The following SHISA9 variants were observed in gnomAD, a reference collection of about 807,000 sequenced individuals.
The protein encoded by SHISA9 is shisa family member 9, also known as protein shisa-9.
SHISA9 carries 13 observed loss-of-function variants against 38.0 expected under a neutral mutation model. The ratio of observed to expected loss-of-function variants is 0.34; its 90% CI spans 0.22 to 0.54. SHISA9 has a LOEUF of 0.54. SHISA9 is among the 20% of genes least tolerant of loss of function. The pLI is 0.91. For missense variants in SHISA9, 538 were observed against 575.8 expected (o/e 0.93, Z 0.67); for synonymous variants, 275 against 242.0 (o/e 1.14, Z -1.27).
At chr16:13,425,691 T>C in the SHISA9 span, among the ~76,000 whole-genome samples, 6 of 152,170 alleles carry the variant, frequency 3.9e-5, no homozygotes, top group Non-Finnish European at 7.3e-5. Context: ...ATAAATACCT[T>C]TTTAAAGAGA....
downstream of SHISA9, among the ~76,000 whole-genome samples, chr16:13,240,575 T>C (rs1323257762): frequency 1.3e-5 from 2 of 152,200 alleles, no homozygotes; most frequent in Non-Finnish European, 2.9e-5. Context: ...CAGCAACATA[T>C]ACACATTTTC....
the SHISA9 span, among the ~76,000 whole-genome samples, chr16:13,324,475 C>A: frequency 6.6e-6 from 1 of 152,036 alleles, no homozygotes; most frequent in Admixed American, 6.6e-5. Context: ...TAGATTAAGG[C>A]AGAGTGGTTC....
At chr16:13,021,393 G>C (rs1343969669) in intron 2 of SHISA9, among the ~76,000 whole-genome samples, 1 of 152,196 alleles carries the variant, frequency 6.6e-6, no homozygotes, top group South Asian at 2.1e-4. Flanking sequence ...TGCTCTAGAA[G>C]TTCTCCTGAG....
chr16:13,449,614 T>A, the SHISA9 span, among the ~76,000 whole-genome samples: 2 of 152,220 alleles, frequency 1.3e-5, no homozygotes, highest in Non-Finnish European at 1.5e-5. Flanking sequence ...TTTTCTTCAA[T>A]TTTTAAAATA....
the SHISA9 span, among the ~76,000 whole-genome samples, chr16:13,518,052 G>C: frequency 6.6e-6 from 1 of 152,116 alleles, no homozygotes; most frequent in African/African-American, 2.4e-5. Context: ...ATTGCGCTCT[G>C]TGCTCTCCCA....
At chr16:13,344,740 G>A in the SHISA9 span, among the ~76,000 whole-genome samples, 13 of 152,236 alleles carry the variant, frequency 8.5e-5, 1 homozygote, top group South Asian at 2.7e-3. Flanking sequence ...GAAACTGAAG[G>A]CACAGCAAAG....
chr16:13,236,024 T>C lies in SHISA9; in HGVS notation c.*615T>C, dbSNP rs1303941261. On this transcript the variant is annotated 3_prime_UTR_variant, in exon 5 of 5. Transcript: ENST00000558583. ...GAAACAGTAACTGGACCCCAACCAT[T>C]CTATTTATAGTACTTTTCATATCAT... 6.6e-6 allele frequency: 1 copy of C among 152,270 alleles called. No individual in the cohort carries two copies. The highest frequency in any genetic ancestry group is 1.9e-4 in the East Asian group (1 of 5,188). The allele number at this position is 152,270 out of a possible 1,614,324, so 9.4% of individuals were successfully genotyped here.
chr16:13,421,771 C>G, the SHISA9 span, among the ~76,000 whole-genome samples: 1 of 152,220 alleles, frequency 6.6e-6, no homozygotes, highest in Non-Finnish European at 1.5e-5. Context: ...TCTTCCCCTT[C>G]TTCCAGGCCA....
chr16:13,189,598 G>A (rs888880858), intron 2 of SHISA9, among the ~76,000 whole-genome samples: 1 of 152,178 alleles, frequency 6.6e-6, no homozygotes, highest in Non-Finnish European at 1.5e-5. Context: ...ACTTTTGTCT[G>A]AGTTAGCCTG....
the SHISA9 span, among the ~76,000 whole-genome samples, chr16:13,375,134 C>T: frequency 2.2e-4 from 33 of 152,010 alleles, no homozygotes; most frequent in East Asian, 1.5e-3. Flanking sequence ...CTGTTCACTC[C>T]GATGGTAGTT....
chr16:12,943,930 A>AT (rs2071655746), intron 2 of SHISA9, among the ~76,000 whole-genome samples: 1 of 152,114 alleles, frequency 6.6e-6, no homozygotes. Context: ...ATTATTTTAC[A>AT]TTTTTAATAA....
At chr16:13,074,262 G>A (rs2073554915) in intron 2 of SHISA9, among the ~76,000 whole-genome samples, 1 of 152,066 alleles carries the variant, frequency 6.6e-6, no homozygotes, top group African/African-American at 2.4e-5. Flanking sequence ...GAGCCACCAT[G>A]CCTGGCCATT....
intron 2 of SHISA9, among the ~76,000 whole-genome samples, chr16:13,048,210 A>G (rs1596611013): frequency 6.6e-6 from 1 of 152,320 alleles, no homozygotes; most frequent in East Asian, 1.9e-4. Flanking sequence ...GTTTTGATAA[A>G]TGGCATATCT....
intron 1 of SHISA9, chr16:12,902,850 G>GTGTA: frequency 3.4e-6 from 1 of 295,304 alleles, no homozygotes; most frequent in Non-Finnish European, 5.8e-6. Context: ...GTGTGTGAGC[G>GTGTA]TGTGTGTGTG....
the SHISA9 span, among the ~76,000 whole-genome samples, chr16:13,260,841 G>A: frequency 4.6e-5 from 7 of 152,128 alleles, no homozygotes; most frequent in Admixed American, 1.3e-4. Flanking sequence ...CTGCTGATAA[G>A]GACATACCTG....
chr16:13,506,295 T>A, the SHISA9 span, among the ~76,000 whole-genome samples: 64 of 152,202 alleles, frequency 4.2e-4, no homozygotes, highest in African/African-American at 1.5e-3. Context: ...CTTGGGGACA[T>A]CAGAGAACAA....
the SHISA9 span, among the ~76,000 whole-genome samples, chr16:13,512,649 A>T: frequency 6.6e-6 from 1 of 152,192 alleles, no homozygotes; most frequent in South Asian, 2.1e-4. Flanking sequence ...TGGTACTGGT[A>T]CCAAAACAGA....
At chr16:13,184,211 T>C (rs1262361082) in intron 2 of SHISA9, among the ~76,000 whole-genome samples, 1 of 152,154 alleles carries the variant, frequency 6.6e-6, no homozygotes, top group Non-Finnish European at 1.5e-5. Context: ...CTATTTCCAT[T>C]CCACTGCCTC....
At chr16:13,265,909 AAATCAATTT>A in the SHISA9 span, among the ~76,000 whole-genome samples, 11 of 152,190 alleles carry the variant, frequency 7.2e-5, no homozygotes, top group Non-Finnish European at 1.5e-4. Flanking sequence ...ATTTACACTG[AAATCAATTT>A]CCTAAACTCA....
Sources: gnomAD v4.1 joint callset for allele counts (sites outside exome capture counted in the v4.1 genomes callset) on GRCh38, gnomAD v4.1.1 for gene constraint, MANE v1.5 for transcripts, NCBI Gene and HGNC (gene_info 2026-07-23, HGNC 2026-07-21) for gene names.